The following NR2F1-AS1 variants were observed in gnomAD, a reference collection of about 807,000 sequenced individuals.
NR2F1-AS1 encodes NR2F1 regulatory antisense RNA 1.
intron 4 of NR2F1-AS1, among the ~76,000 whole-genome samples, chr5:93,495,650 A>G (rs544061071): frequency 1.3e-5 from 2 of 152,232 alleles, no homozygotes; most frequent in South Asian, 4.1e-4. Flanking sequence ...TGGACCTCAA[A>G]GTTTTGAATC....
At chr5:93,492,849 A>G (rs539310524) in intron 4 of NR2F1-AS1, among the ~76,000 whole-genome samples, 2 of 151,756 alleles carry the variant, frequency 1.3e-5, no homozygotes, top group Non-Finnish European at 2.9e-5. Flanking sequence ...TTCATGATAA[A>G]AAAAAAAAAC....
At chr5:93,576,039 T>G (rs529346797) in intron 1 of NR2F1-AS1, among the ~76,000 whole-genome samples, 1 of 152,330 alleles carries the variant, frequency 6.6e-6, no homozygotes, top group South Asian at 2.1e-4. Flanking sequence ...CTCCCATAGT[T>G]TCTTTCCATT....
chr5:93,454,211 G>A (rs538382052), intron 4 of NR2F1-AS1, among the ~76,000 whole-genome samples: 34 of 152,236 alleles, frequency 2.2e-4, no homozygotes, highest in Admixed American at 9.2e-4. Context: ...AACCCAGGAG[G>A]TGGAGGCTGT....
intron 4 of NR2F1-AS1, among the ~76,000 whole-genome samples, chr5:93,553,175 G>A (rs1287022586): frequency 6.7e-6 from 1 of 149,038 alleles, no homozygotes; most frequent in African/African-American, 2.5e-5. Flanking sequence ...TGTCACCCAG[G>A]CCGGAGTGCA....
At chr5:93,576,501 T>C (rs73135313) in intron 1 of NR2F1-AS1, among the ~76,000 whole-genome samples, 31,432 of 151,466 alleles carry the variant, frequency 0.21, 5,166 homozygotes, top group African/African-American at 0.46. Context: ...TTGTAATAAA[T>C]ATATCTTTCC....
At chr5:93,570,624 C>T (rs1367098310) in intron 1 of NR2F1-AS1, 1 of 152,140 alleles carries the variant, frequency 6.6e-6, no homozygotes, top group Non-Finnish European at 1.5e-5. Flanking sequence ...GGCCTGGCTT[C>T]CTTCTTGAAT....
intron 4 of NR2F1-AS1, among the ~76,000 whole-genome samples, chr5:93,506,108 ATC>A (rs781523023): frequency 2.0e-5 from 3 of 152,128 alleles, no homozygotes; most frequent in African/African-American, 7.2e-5. Context: ...ACCCCAAATC[ATC>A]TCTCTCAAGT....
intron 4 of NR2F1-AS1, among the ~76,000 whole-genome samples, chr5:93,501,189 A>G (rs1474115838): frequency 1.3e-5 from 2 of 152,192 alleles, no homozygotes; most frequent in Non-Finnish European, 2.9e-5. Flanking sequence ...TAGCAAAAGA[A>G]CTATAATTAG....
At chr5:93,430,003 T>C (rs952504761) in intron 4 of NR2F1-AS1, among the ~76,000 whole-genome samples, 3 of 152,254 alleles carry the variant, frequency 2.0e-5, no homozygotes, top group African/African-American at 7.2e-5. Context: ...TATGCAGAGT[T>C]TAGTGCTTTT....
At chr5:93,569,167 A>G (rs1244064618) in intron 1 of NR2F1-AS1, among the ~76,000 whole-genome samples, 1 of 152,178 alleles carries the variant, frequency 6.6e-6, no homozygotes, top group Non-Finnish European at 1.5e-5. Flanking sequence ...CGAGCCTGTC[A>G]GCGATTTCCT....
At chr5:93,567,608 G>A (rs1196508443) in intron 1 of NR2F1-AS1, among the ~76,000 whole-genome samples, 1 of 152,190 alleles carries the variant, frequency 6.6e-6, no homozygotes, top group East Asian at 1.9e-4. Context: ...AGGCTGCAAT[G>A]ACACAGTAAT....
intron 4 of NR2F1-AS1, among the ~76,000 whole-genome samples, chr5:93,513,484 T>C (rs1393683092): frequency 6.6e-6 from 1 of 152,034 alleles, no homozygotes; most frequent in African/African-American, 2.4e-5. Context: ...TATGCAGTCA[T>C]AAAAAAGAAG....
chr5:93,475,939 T>C (rs142125587), intron 4 of NR2F1-AS1, among the ~76,000 whole-genome samples: 4 of 152,336 alleles, frequency 2.6e-5, no homozygotes, highest in Middle Eastern at 3.4e-3. Flanking sequence ...AGTTCACTAC[T>C]AGAGTTTAGT....
In NR2F1-AS1 at chr5:93,526,354, C is replaced by T. The variant is rs115815755; in HGVS notation, n.638+27407G>A. On this transcript the variant is annotated intron_variant and non_coding_transcript_variant, in intron 4 of 5. Transcript: ENST00000660523. ...GTTCTGAAATTGAGGCAGTAATTAA[C>T]GGCCTACCAACCAACAAAAGCGCAG... is the stretch of plus-strand genomic sequence containing the variant. Among the ~76,000 whole-genome samples, 1,454 of 152,210 alleles carry T rather than the reference C, an allele frequency of 9.6e-3. 9 individuals are homozygous for T. Among genetic ancestry groups the T allele is most frequent in the Non-Finnish European group, 0.015 (1,049 of 67,986 alleles).
At chr5:93,574,674 C>G (rs1752855409) in intron 1 of NR2F1-AS1, among the ~76,000 whole-genome samples, 1 of 152,144 alleles carries the variant, frequency 6.6e-6, no homozygotes, top group African/African-American at 2.4e-5. Context: ...TTCTCTGTGA[C>G]TTTGTTTGAT....
At chr5:93,502,580 C>T (rs147709150) in intron 4 of NR2F1-AS1, among the ~76,000 whole-genome samples, 55 of 151,764 alleles carry the variant, frequency 3.6e-4, no homozygotes, top group African/African-American at 1.1e-3. Context: ...ACTGAGGTAC[C>T]TGAATAAAAG....
chr5:93,523,478 C>T (rs1479921453), intron 4 of NR2F1-AS1, among the ~76,000 whole-genome samples: 6 of 152,172 alleles, frequency 3.9e-5, no homozygotes, highest in African/African-American at 1.4e-4. Flanking sequence ...GCGGATCTCC[C>T]AGCACAACCC....
At chr5:93,514,153 ATACAGGACTACT>A (rs1751355585) in intron 4 of NR2F1-AS1, among the ~76,000 whole-genome samples, 1 of 152,098 alleles carries the variant, frequency 6.6e-6, no homozygotes, top group African/African-American at 2.4e-5. Context: ...TGGATGTTAA[ATACAGGACTACT>A]TACAGGAACA....
chr5:93,549,040 C>A (rs1752162072), intron 4 of NR2F1-AS1, among the ~76,000 whole-genome samples: 1 of 152,034 alleles, frequency 6.6e-6, no homozygotes, highest in African/African-American at 2.4e-5. Context: ...ATATATAATT[C>A]ATTGCCTAAT....
Sources: allele counts gnomAD v4.1 joint callset (sites outside exome capture counted in the v4.1 genomes callset), GRCh38; gene constraint gnomAD v4.1.1; transcripts MANE v1.5; gene names NCBI Gene and HGNC (gene_info 2026-07-23, HGNC 2026-07-21).